Variants in SLC39A12 observed in about 807,000 individuals in gnomAD.
SLC39A12 encodes solute carrier family 39 member 12.
Under a neutral mutation model 71.1 loss-of-function variants are expected in SLC39A12, and 63 were observed. The ratio of observed to expected loss-of-function variants is 0.89; its 90% CI spans 0.72 to 1.09. SLC39A12 has a LOEUF of 1.09. Ranked by LOEUF, SLC39A12 falls within the 50% of genes least tolerant of loss-of-function variation. The probability of loss-of-function intolerance (pLI) is 0.00; values close to 1 mark genes in which losing one functional copy is unlikely to be tolerated. For missense variants in SLC39A12, 892 were observed against 812.6 expected (o/e 1.10, Z -1.19); for synonymous variants, 351 against 301.3 (o/e 1.16, Z -1.71).
At chr10:17,964,785 T>C (rs1834780493) in intron 3 of SLC39A12, among the ~76,000 whole-genome samples, 1 of 152,100 alleles carries the variant, frequency 6.6e-6, no homozygotes, top group Non-Finnish European at 1.5e-5. Context: ...GAAGTCAGGG[T>C]AGGGAATGTC....
intron 4 of SLC39A12, among the ~76,000 whole-genome samples, chr10:17,972,273 T>C (rs1221817462): frequency 6.6e-6 from 1 of 152,204 alleles, no homozygotes; most frequent in African/African-American, 2.4e-5. Context: ...TCCTTGAGAA[T>C]CACCCATGTG....
At chr10:17,966,529 C>G (rs1253622927) in intron 4 of SLC39A12, among the ~76,000 whole-genome samples, 5 of 152,088 alleles carry the variant, frequency 3.3e-5, no homozygotes, top group Admixed American at 2.6e-4. Context: ...CCAGGCTGGT[C>G]TCTGATTCCT....
At position 17,961,836 on chromosome 10, in the gene SLC39A12, C is replaced by T; in HGVS notation, c.517C>T (p.Gln173Ter). 1 of 1,613,772 alleles carries T rather than the reference C, an allele frequency of 6.2e-7. No homozygotes were observed. The highest frequency in any genetic ancestry group is 8.5e-7 in the Non-Finnish European group (1 of 1,179,882). The change falls in exon 3 of 13, where the codon CAG becomes TAG. Residue 173 changes from glutamine (Q) to a stop codon, truncating the protein, a stop_gained. Transcript: ENST00000377369. LOFTEE classifies it high-confidence loss of function. ...ETEDILAFTR[Q>*]YFDTSQSQCM... ...AGAAGATATCTTGGCTTTCACCAGG[C>T]AGTACTTTGACACTTCTCAAAGCCA...
intron 7 of SLC39A12, among the ~76,000 whole-genome samples, chr10:17,989,522 A>C (rs1835487254): frequency 6.6e-6 from 1 of 152,218 alleles, no homozygotes; most frequent in Admixed American, 6.5e-5. Flanking sequence ...GGGAGCCCAC[A>C]GCGAAGGTGG....
chr10:17,993,527 T>C lies in SLC39A12; in HGVS notation c.1533+236T>C, dbSNP rs533367585. On this transcript the variant is annotated intron_variant, in intron 9 of 12. Coordinates refer to ENST00000377369, the MANE Select transcript of SLC39A12 (RefSeq NM_001145195.2). ...TTGCTGTCTGCATCACTGTCAAACA[T>C]GTATGGATCAGACTGACATCATAGA... Among the ~76,000 whole-genome samples the C allele has an allele frequency of 2.0e-5, 3 of 152,344 alleles. No individual in the cohort carries two copies. The South Asian group carries it at 6.2e-4, about 32-fold the overall frequency.
At chr10:17,965,898 C>T (rs1485207173) in intron 4 of SLC39A12, among the ~76,000 whole-genome samples, 1 of 152,200 alleles carries the variant, frequency 6.6e-6, no homozygotes, top group East Asian at 1.9e-4. Flanking sequence ...AAAACATGGA[C>T]TTGGCCTATT....
intron 12 of SLC39A12, among the ~76,000 whole-genome samples, chr10:18,021,660 T>C (rs1446809542): frequency 1.3e-5 from 2 of 152,196 alleles, no homozygotes; most frequent in Admixed American, 1.3e-4. Context: ...GATCATGTCA[T>C]CATGTTGTTA....
intron 3 of SLC39A12, 31 bp downstream of exon 3, chr10:17,961,893 C>T: frequency 6.3e-7 from 1 of 1,593,960 alleles, no homozygotes; most frequent in South Asian, 1.1e-5. Context: ...ACTGGCTCTG[C>T]TGCTAAGATA....
Position 17,953,390 on chromosome 10 carries a change from G to A in SLC39A12, c.114G>A (p.Gly38=). The A allele has an allele frequency of 5.0e-6, 8 of 1,614,148 alleles. No individual in the cohort carries two copies. Among genetic ancestry groups the A allele is most frequent in the Non-Finnish European group, 6.8e-6 (8 of 1,180,026 alleles). ...CAGCCCAGGATAGCAGAAGCCGTGG[G>A]AGTTCAGGCCAACCGGCAGACCTGC... The part of the protein sequence containing the change: ...KPSAQDSRSR[G]SSGQPADLLQ... The change falls in exon 2 of 13, where the codon GGG becomes GGA. Residue 38 remains glycine (G), a synonymous_variant. Transcript: ENST00000377369.
intron 12 of SLC39A12, among the ~76,000 whole-genome samples, chr10:18,042,472 A>AG (rs1282166047): frequency 6.6e-6 from 1 of 151,454 alleles, no homozygotes; most frequent in Non-Finnish European, 1.5e-5. Flanking sequence ...AGAAAAAAAA[A>AG]AAAAAAAAAA....
At chr10:17,983,322 C>T (rs1173840963) in intron 6 of SLC39A12, among the ~76,000 whole-genome samples, 4 of 151,984 alleles carry the variant, frequency 2.6e-5, no homozygotes, top group African/African-American at 9.7e-5. Context: ...GAGACCCCAT[C>T]TCTACAAAAA....
chr10:17,986,941 A>G (rs974199026), intron 6 of SLC39A12, among the ~76,000 whole-genome samples: 12 of 151,976 alleles, frequency 7.9e-5, no homozygotes, highest in Non-Finnish European at 2.9e-5. Flanking sequence ...GGAGTTCAGG[A>G]TTATAGTGAG....
At chr10:17,966,187 A>C (rs927511699) in intron 4 of SLC39A12, among the ~76,000 whole-genome samples, 1 of 152,230 alleles carries the variant, frequency 6.6e-6, no homozygotes, top group African/African-American at 2.4e-5. Context: ...CCAGGATGAA[A>C]TAGGATGTCA....
In SLC39A12 at chr10:17,964,664, C is replaced by T. The variant is rs989398172; in HGVS notation, c.544-819C>T. ...CTGTGTCCTCTGGGAGTTCAAAGAA[C>T]ATGGACAGTGTACCAGATTTGACAT... On this transcript the variant is annotated intron_variant, in intron 3 of 12. Transcript: ENST00000377369. 4.6e-5 allele frequency among the ~76,000 whole-genome samples: 7 copies of T among 152,144 alleles called. No individual in the cohort carries two copies. In the South Asian group the frequency reaches 1.5e-3, roughly 32 times the overall value.
At chr10:17,957,003 C>T (rs188466340) in intron 2 of SLC39A12, among the ~76,000 whole-genome samples, 2 of 152,128 alleles carry the variant, frequency 1.3e-5, no homozygotes, top group African/African-American at 4.8e-5. Context: ...TGTTAGCCAC[C>T]CCCCACCTCC....
At chr10:18,033,944 C>T (rs1400203080) in intron 12 of SLC39A12, among the ~76,000 whole-genome samples, 5 of 150,384 alleles carry the variant, frequency 3.3e-5, no homozygotes, top group Non-Finnish European at 5.9e-5. Flanking sequence ...GTTCAGTTTC[C>T]ATGTAGTTGA....
chr10:17,970,656 C>T (rs1180731519), intron 4 of SLC39A12, among the ~76,000 whole-genome samples: 4 of 145,912 alleles, frequency 2.7e-5, no homozygotes, highest in Non-Finnish European at 6.0e-5. Flanking sequence ...ATTGGATTTT[C>T]TTATCAGTTC....
At chr10:18,037,629 G>A (rs79169353) in intron 12 of SLC39A12, among the ~76,000 whole-genome samples, 2 of 152,124 alleles carry the variant, frequency 1.3e-5, no homozygotes, top group Non-Finnish European at 2.9e-5. Context: ...AAGAAAGGAC[G>A]TGATAAATAG....
chr10:18,034,494 A>G (rs374204042), intron 12 of SLC39A12, among the ~76,000 whole-genome samples: 1 of 151,726 alleles, frequency 6.6e-6, no homozygotes, highest in African/African-American at 2.4e-5. Context: ...GTTTTCCATT[A>G]GCTTGGTAGA....
Sources: allele counts gnomAD v4.1 joint callset (sites outside exome capture counted in the v4.1 genomes callset), GRCh38; gene constraint gnomAD v4.1.1; transcripts MANE v1.5; gene names NCBI Gene and HGNC (gene_info 2026-07-23, HGNC 2026-07-21).